THSD7A: variants seen among roughly 807,000 people sequenced by gnomAD.
The protein encoded by THSD7A is thrombospondin type 1 domain containing 7A.
A neutral mutation model predicts 231.3 loss-of-function variants in THSD7A; 96 were observed. The observed-to-expected ratio is 0.41, with a 90% CI of 0.35 to 0.49. THSD7A has a LOEUF of 0.49. THSD7A is among the 20% of genes least tolerant of loss of function. The probability of loss-of-function intolerance (pLI) is 0.05; values close to 1 mark genes in which losing one functional copy is unlikely to be tolerated. For synonymous variants in THSD7A, 940 were observed against 743.3 expected, an observed-to-expected ratio of 1.26 and a Z score of -4.30; for missense variants, 2,290 against 2,070.2, an observed-to-expected ratio of 1.11 and a Z score of -2.06.
intron 2 of THSD7A, among the ~76,000 whole-genome samples, chr7:11,625,732 A>AT (rs1781455624): frequency 6.6e-6 from 1 of 152,178 alleles, no homozygotes; most frequent in Non-Finnish European, 1.5e-5. Context: ...TTAATGATTT[A>AT]TTAAATTCCC....
intron 1 of THSD7A, among the ~76,000 whole-genome samples, chr7:11,752,936 CAA>C (rs1433263857): frequency 8.3e-5 from 12 of 144,176 alleles, no homozygotes; most frequent in Non-Finnish European, 1.8e-4. Context: ...CTCAGTCAAT[CAA>C]TCAATCAATC....
intron 1 of THSD7A, among the ~76,000 whole-genome samples, chr7:11,738,035 A>ATATCTATC (rs150186669): frequency 0.19 from 28,212 of 151,596 alleles, 3,388 homozygotes; most frequent in African/African-American, 0.34. Context: ...TTATATATCT[A>ATATCTATC]TATCTATCTA....
chr7:11,724,701 G>T (rs1781483918), intron 1 of THSD7A, among the ~76,000 whole-genome samples: 1 of 151,814 alleles, frequency 6.6e-6, no homozygotes, highest in Non-Finnish European at 1.5e-5. Context: ...AATGGAAAAA[G>T]TCATTTTTAG....
At chr7:11,627,595 A>C (rs1053452541) in intron 2 of THSD7A, among the ~76,000 whole-genome samples, 9 of 152,158 alleles carry the variant, frequency 5.9e-5, no homozygotes, top group Non-Finnish European at 1.5e-5. Flanking sequence ...ATAGAAACAA[A>C]TTTTGATAAT....
intron 1 of THSD7A, among the ~76,000 whole-genome samples, chr7:11,825,896 T>A (rs7788522): frequency 6.6e-6 from 1 of 152,086 alleles, no homozygotes; most frequent in African/African-American, 2.4e-5. Flanking sequence ...GTAAGAACAA[T>A]TGAAGTTTAA....
chr7:11,782,957 G>C (rs1247180077), intron 1 of THSD7A, among the ~76,000 whole-genome samples: 2 of 152,038 alleles, frequency 1.3e-5, no homozygotes, highest in African/African-American at 4.8e-5. Context: ...GTTTGTTTTG[G>C]TGAGTAATCC....
chr7:11,549,086 G>T (rs1789519449), intron 4 of THSD7A, among the ~76,000 whole-genome samples: 1 of 151,970 alleles, frequency 6.6e-6, no homozygotes, highest in African/African-American at 2.4e-5. Context: ...GTGGGAAAGG[G>T]CATGAAAAGA....
At position 11,519,852 on chromosome 7, in the gene THSD7A, T is replaced by G. The variant is rs765982452; in HGVS notation, c.1822+21567A>C. On this transcript the variant is annotated intron_variant, in intron 6 of 27. Coordinates refer to ENST00000423059, the MANE Select transcript of THSD7A (RefSeq NM_015204.3). ...GCAGATTCTAAACCATCAGAAAGCA[T>G]GCAAATCCTTCTATACTCTTAAGCT... 2.0e-5 allele frequency among the ~76,000 whole-genome samples: 3 copies of G among 152,210 alleles called. No individual in the cohort carries two copies. In the East Asian group the frequency reaches 5.8e-4, roughly 29 times the overall value.
chr7:11,567,311 A>G (rs1790393733), intron 4 of THSD7A, among the ~76,000 whole-genome samples: 1 of 152,058 alleles, frequency 6.6e-6, no homozygotes, highest in Non-Finnish European at 1.5e-5. Flanking sequence ...AAGGGGGAAG[A>G]GCCCCTTATA....
rs186411002 is a variant in THSD7A at position 11,637,066 on chromosome 7, G to C, written c.191-105C>G. On this transcript the variant is annotated intron_variant, in intron 1 of 27. Coordinates refer to ENST00000423059, the MANE Select transcript of THSD7A (RefSeq NM_015204.3). The surrounding 1 kb of genome is among the most constrained non-coding windows in gnomAD (Gnocchi z 4.2). ...CAAGACCTAGTACATTAACTTCCCT[G>C]CGGTGTTACAAAGTAGGTCTCTGGA... 2,073 of 1,072,592 alleles carry C rather than the reference G, an allele frequency of 1.9e-3. 24 individuals carry two copies. The African/African-American group carries it at 0.029, about 15-fold the overall frequency. 66.4% of individuals were successfully genotyped at this position (1,072,592 alleles called of 1,614,324 possible). A position where few individuals can be genotyped will look rare whatever the true frequency, so the allele number is the denominator to read the frequency against.
At chr7:11,830,338 G>A in intron 1 of THSD7A, among the ~76,000 whole-genome samples, 1 of 152,138 alleles carries the variant, frequency 6.6e-6, no homozygotes, top group South Asian at 2.1e-4. Context: ...TACCTAAGAA[G>A]CTCTCCCCAA....
At chr7:11,381,053 A>G (rs1290413368) in intron 24 of THSD7A, among the ~76,000 whole-genome samples, 2 of 152,154 alleles carry the variant, frequency 1.3e-5, no homozygotes, top group Non-Finnish European at 2.9e-5. Flanking sequence ...CATCTAGAGA[A>G]GCTGTTAAAT....
intron 1 of THSD7A, among the ~76,000 whole-genome samples, chr7:11,651,163 A>C (rs1406119330): frequency 1.3e-5 from 2 of 152,086 alleles, no homozygotes; most frequent in Non-Finnish European, 2.9e-5. Context: ...AGATTATGCT[A>C]AGTGACGTAA....
At position 11,559,119 on chromosome 7, in the gene THSD7A, G is replaced by A. The variant is rs916337262; in HGVS notation, c.1454-16002C>T. Among the ~76,000 whole-genome samples, 22 of 152,162 alleles carry A rather than the reference G, an allele frequency of 1.4e-4. 1 individual carries two copies. Among genetic ancestry groups the A allele is most frequent in the Non-Finnish European group, 1.5e-4 (10 of 68,030 alleles). On this transcript the variant is annotated intron_variant, in intron 4 of 27. Transcript: ENST00000423059. The stretch of plus-strand genomic sequence containing the variant: ...GTCTCCAGCTCACAATCAGGAAGGA[G>A]ATGAAGATCTCAGTCTTTGAACTCG...
intron 13 of THSD7A, among the ~76,000 whole-genome samples, chr7:11,445,517 TTATG>T (rs1389570366): frequency 8.5e-6 from 1 of 117,260 alleles, no homozygotes; most frequent in Non-Finnish European, 1.7e-5. Context: ...TTCGTTTGTT[TTATG>T]TGTGTGTGTG....
intron 15 of THSD7A, 90 bp downstream of exon 15, chr7:11,426,576 C>G: frequency 1.5e-6 from 2 of 1,344,598 alleles, no homozygotes; most frequent in South Asian, 1.4e-5. Context: ...ACATAAAAGA[C>G]AAAGCAAGAA....
intron 6 of THSD7A, among the ~76,000 whole-genome samples, chr7:11,518,448 G>T (rs1788125118): frequency 6.6e-6 from 1 of 152,166 alleles, no homozygotes; most frequent in Non-Finnish European, 1.5e-5. Flanking sequence ...GGGCATATAT[G>T]AATGAATGCT....
intron 4 of THSD7A, among the ~76,000 whole-genome samples, chr7:11,546,202 GCTCACA>G (rs1175636071): frequency 5.4e-5 from 7 of 129,448 alleles, no homozygotes; most frequent in African/African-American, 1.1e-4. Flanking sequence ...GTGGGCGCGC[GCTCACA>G]CACACACACA....
At chr7:11,689,196 C>A (rs189680338) in intron 1 of THSD7A, among the ~76,000 whole-genome samples, 5 of 151,816 alleles carry the variant, frequency 3.3e-5, no homozygotes, top group Admixed American at 3.3e-4. Flanking sequence ...AAGCATCTGC[C>A]CAGCAATTAT....
Sources: allele counts gnomAD v4.1 joint callset (sites outside exome capture counted in the v4.1 genomes callset), GRCh38; gene constraint gnomAD v4.1.1; non-coding constraint Gnocchi (gnomAD v3.1); transcripts MANE v1.5; gene names NCBI Gene and HGNC (gene_info 2026-07-23, HGNC 2026-07-21).